Variants in IGF1 observed in about 807,000 individuals in gnomAD.
IGF1 encodes insulin like growth factor 1.
Under a neutral mutation model 13.8 loss-of-function variants are expected in IGF1, and 4 were observed. That is an observed-to-expected ratio of 0.29 (90% confidence interval 0.14 to 0.66). IGF1 has a LOEUF of 0.66. Among genes scored for constraint, IGF1 ranks in the 30% least tolerant of loss-of-function variants. IGF1 has a pLI of 0.78. For synonymous variants in IGF1, 76 were observed against 72.6 expected (o/e 1.05, Z -0.23); for missense variants, 124 against 188.5 (o/e 0.66, Z 2.00).
chr12:102,470,235 T>G (rs1880600063), intron 2 of IGF1, among the ~76,000 whole-genome samples: 1 of 152,212 alleles, frequency 6.6e-6, no homozygotes, highest in Non-Finnish European at 1.5e-5. Context: ...GTTAAATAAC[T>G]TGCTCAAGAT....
At position 102,401,227 on chromosome 12, in the gene IGF1, T is replaced by C; in HGVS notation, c.*1280A>G. 6.2e-6 allele frequency: 1 copy of C among 161,076 alleles called. No individual in the cohort carries two copies. The highest frequency in any genetic ancestry group is 1.3e-5 in the Non-Finnish European group (1 of 74,786). 10.0% of individuals were successfully genotyped at this position (161,076 alleles called of 1,614,324 possible). A position where few individuals can be genotyped will look rare whatever the true frequency, so the allele number is the denominator to read the frequency against. On this transcript the variant is annotated 3_prime_UTR_variant, in exon 4 of 4. Transcript: ENST00000337514. ...TGACATATTGCCCCCATTTTGCAGATGAGGAAACTGAGGCACAGAGAGGTG... is the reference window on the plus strand; with the variant it reads ...TGACATATTGCCCCCATTTTGCAGACGAGGAAACTGAGGCACAGAGAGGTG...
chr12:102,462,205 G>A lies in IGF1; in HGVS notation c.220+13438C>T, dbSNP rs77422835. Among the ~76,000 whole-genome samples the A allele has an allele frequency of 4.4e-3, 666 of 152,272 alleles. 5 individuals carry two copies. Among genetic ancestry groups the A allele is most frequent in the African/African-American group, 0.015 (629 of 41,558 alleles). Reference sequence around the variant, plus strand: ...ATTTGTTAATCAAACCAATTAGCCCGTTGTAAACAAGAGATACAAGAGATT... The same window carrying A: ...ATTTGTTAATCAAACCAATTAGCCCATTGTAAACAAGAGATACAAGAGATT... On this transcript the variant is annotated intron_variant, in intron 2 of 3. Transcript: ENST00000337514.
chr12:102,441,674 C>T (rs1370869072), intron 2 of IGF1, among the ~76,000 whole-genome samples: 2 of 152,108 alleles, frequency 1.3e-5, no homozygotes, highest in South Asian at 2.1e-4. Flanking sequence ...TGGAGAAAAG[C>T]GTGACCCAAG....
chr12:102,405,756 C>T (rs982304035), intron 3 of IGF1, among the ~76,000 whole-genome samples: 4 of 152,168 alleles, frequency 2.6e-5, no homozygotes, highest in African/African-American at 9.7e-5. Flanking sequence ...CCTCATAAAG[C>T]GTTTAATCTC....
chr12:102,428,614 A>G (rs537832922), intron 2 of IGF1, among the ~76,000 whole-genome samples: 1 of 152,228 alleles, frequency 6.6e-6, no homozygotes. Context: ...CTCAGAAATG[A>G]GAATTAGTAT....
chr12:102,434,808 G>A (rs573705104), intron 2 of IGF1, among the ~76,000 whole-genome samples: 5 of 151,384 alleles, frequency 3.3e-5, no homozygotes, highest in African/African-American at 9.7e-5. Flanking sequence ...TCCAGCACCT[G>A]TTGTTTCCTG....
At chr12:102,422,132 T>C (rs1875779471) in intron 2 of IGF1, among the ~76,000 whole-genome samples, 1 of 152,200 alleles carries the variant, frequency 6.6e-6, no homozygotes, top group Non-Finnish European at 1.5e-5. Context: ...TCTGAGCTCA[T>C]GCTTTTTAGT....
intron 2 of IGF1, among the ~76,000 whole-genome samples, chr12:102,453,904 A>G (rs1306793277): frequency 6.6e-6 from 1 of 152,232 alleles, no homozygotes; most frequent in Non-Finnish European, 1.5e-5. Context: ...AGATAATGAT[A>G]GTACCTATTT....
At chr12:102,402,633 T>C (rs1238426393) in intron 3 of IGF1, 67 bp from the exon 4 acceptor site, 1 of 776,758 alleles carries the variant, frequency 1.3e-6, no homozygotes, top group African/African-American at 1.7e-5. Flanking sequence ...ATTTCTAACA[T>C]TGGGCCTCAA....
chr12:102,444,237 C>T (rs1878116527), intron 2 of IGF1, among the ~76,000 whole-genome samples: 1 of 151,780 alleles, frequency 6.6e-6, no homozygotes, highest in African/African-American at 2.4e-5. Flanking sequence ...GGAAAAAAGA[C>T]ACCCAATTTC....
chr12:102,448,188 G>T (rs534750395), intron 2 of IGF1, among the ~76,000 whole-genome samples: 143 of 148,410 alleles, frequency 9.6e-4, no homozygotes, highest in African/African-American at 3.4e-3. Flanking sequence ...CCCATTACTG[G>T]GTATATACCC....
At chr12:102,461,660 C>G (rs1446436705) in intron 2 of IGF1, among the ~76,000 whole-genome samples, 1 of 152,024 alleles carries the variant, frequency 6.6e-6, no homozygotes, top group Non-Finnish European at 1.5e-5. Flanking sequence ...AGTTCCTGGC[C>G]CCAGTGATGG....
intron 2 of IGF1, among the ~76,000 whole-genome samples, chr12:102,429,114 T>C (rs1489176777): frequency 6.6e-6 from 1 of 152,224 alleles, no homozygotes; most frequent in Non-Finnish European, 1.5e-5. Context: ...TGTGGTATTA[T>C]ATTATTTTTT....
chr12:102,478,977 CA>C (rs1297783280), intron 1 of IGF1, among the ~76,000 whole-genome samples: 1 of 152,196 alleles, frequency 6.6e-6, no homozygotes, highest in Non-Finnish European at 1.5e-5. Flanking sequence ...AAAAAAGTAA[CA>C]ACTTATTAAG....
chr12:102,467,560 A>C (rs1880415759), intron 2 of IGF1, among the ~76,000 whole-genome samples: 2 of 152,228 alleles, frequency 1.3e-5, no homozygotes, highest in African/African-American at 4.8e-5. Context: ...GAATGCCCAA[A>C]GTACATGTGA....
chr12:102,465,326 C>T (rs1346040397), intron 2 of IGF1, among the ~76,000 whole-genome samples: 2 of 152,202 alleles, frequency 1.3e-5, no homozygotes, highest in African/African-American at 4.8e-5. Flanking sequence ...TTCCAAAGCA[C>T]TTCTACAGCT....
chr12:102,473,821 C>T (rs1880837533), intron 2 of IGF1, among the ~76,000 whole-genome samples: 1 of 152,156 alleles, frequency 6.6e-6, no homozygotes, highest in African/African-American at 2.4e-5. Context: ...TTATAAGTAT[C>T]ATACAGTTAC....
At chr12:102,417,557 CTT>C in intron 3 of IGF1, 1 of 1,187,826 alleles carries the variant, frequency 8.4e-7, no homozygotes, top group Non-Finnish European at 1.0e-6. Flanking sequence ...TTTTTTGCCT[CTT>C]TTATAATTTT....
intron 2 of IGF1, among the ~76,000 whole-genome samples, chr12:102,427,825 G>C (rs1876343606): frequency 2.0e-5 from 3 of 152,198 alleles, no homozygotes; most frequent in Admixed American, 2.0e-4. Flanking sequence ...GAACACAGGA[G>C]AGAGGGAAGG....
Sources: gnomAD v4.1 joint callset for allele counts (sites outside exome capture counted in the v4.1 genomes callset) on GRCh38, gnomAD v4.1.1 for gene constraint, MANE v1.5 for transcripts, NCBI Gene and HGNC (gene_info 2026-07-23, HGNC 2026-07-21) for gene names.